The following ITPR2 variants were observed in gnomAD, a reference collection of about 807,000 sequenced individuals.
The protein encoded by ITPR2 is inositol 1,4,5-trisphosphate receptor type 2.
In ITPR2, 207 loss-of-function variants were observed where a neutral mutation model predicts 317.1. The ratio of observed to expected loss-of-function variants is 0.65; its 90% CI spans 0.58 to 0.73. The LOEUF is 0.73. Among genes scored for constraint, ITPR2 ranks in the 30% least tolerant of loss-of-function variants. The pLI is 0.00. For missense variants in ITPR2, 2,613 were observed against 3,284.0 expected (o/e 0.80, Z 4.99); for synonymous variants, 1,156 against 1,149.1 (o/e 1.01, Z -0.12).
intron 21 of ITPR2, among the ~76,000 whole-genome samples, chr12:26,646,842 A>G (rs1947124525): frequency 6.6e-6 from 1 of 152,150 alleles, no homozygotes; most frequent in Non-Finnish European, 1.5e-5. Flanking sequence ...CATATATACC[A>G]ACAAAAAGGA....
intron 55 of ITPR2, among the ~76,000 whole-genome samples, chr12:26,370,665 G>A (rs1315618405): frequency 6.6e-6 from 1 of 152,100 alleles, no homozygotes; most frequent in Non-Finnish European, 1.5e-5. Context: ...TTTTGTTGTT[G>A]TTGTTGTTTG....
intron 21 of ITPR2, among the ~76,000 whole-genome samples, chr12:26,640,073 C>G (rs764776757): frequency 6.6e-6 from 1 of 152,084 alleles, no homozygotes; most frequent in Admixed American, 6.6e-5. Context: ...TCATAGGTCA[C>G]CAGAGATTGT....
intron 55 of ITPR2, among the ~76,000 whole-genome samples, chr12:26,376,288 C>T (rs1026637384): frequency 6.6e-6 from 1 of 152,192 alleles, no homozygotes; most frequent in Non-Finnish European, 1.5e-5. Flanking sequence ...CACATATGCA[C>T]TTAGGCACTA....
intron 21 of ITPR2, among the ~76,000 whole-genome samples, chr12:26,643,659 C>T (rs545375054): frequency 6.6e-6 from 1 of 152,272 alleles, no homozygotes; most frequent in African/African-American, 2.4e-5. Context: ...GAAGAGCCAT[C>T]ATTGTATAAA....
At chr12:26,611,543 A>T (rs548063296) in intron 26 of ITPR2, among the ~76,000 whole-genome samples, 1 of 152,312 alleles carries the variant, frequency 6.6e-6, no homozygotes, top group East Asian at 1.9e-4. Flanking sequence ...CAGCTGGGTG[A>T]CAGAGCGAGA....
At chr12:26,622,757 C>T (rs1467368198) in intron 24 of ITPR2, among the ~76,000 whole-genome samples, 2 of 152,268 alleles carry the variant, frequency 1.3e-5, no homozygotes, top group Middle Eastern at 3.4e-3. Flanking sequence ...GGATGTACAC[C>T]GATGACTGAT....
chr12:26,474,651 G>C (rs12301898), intron 45 of ITPR2, among the ~76,000 whole-genome samples: 1 of 151,274 alleles, frequency 6.6e-6, no homozygotes, highest in Admixed American at 6.6e-5. Context: ...AAAATTAGCC[G>C]GGCGTAGTGG....
chr12:26,552,080 C>T lies in ITPR2; in HGVS notation c.4965-1725G>A, dbSNP rs1944538426. Among the ~76,000 whole-genome samples, 3 of 152,064 alleles carry T rather than the reference C, an allele frequency of 2.0e-5. No homozygotes were observed. In the South Asian group the frequency reaches 6.2e-4, roughly 32 times the overall value. On this transcript the variant is annotated intron_variant, in intron 36 of 56. Coordinates refer to ENST00000381340, the MANE Select transcript of ITPR2 (RefSeq NM_002223.4). ...AGGACGTACGAAGCAACAGAGAAGA[C>T]CCACAGCAGAGACTTGTAAATGATG...
chr12:26,526,951 A>G (rs1266301415), intron 37 of ITPR2, among the ~76,000 whole-genome samples: 1 of 152,210 alleles, frequency 6.6e-6, no homozygotes, highest in African/African-American at 2.4e-5. Flanking sequence ...AGGGAACCAA[A>G]CACTCAGTCC....
intron 23 of ITPR2, 83 bp downstream of exon 23, chr12:26,627,950 A>G: frequency 8.0e-7 from 1 of 1,250,336 alleles, no homozygotes; most frequent in Non-Finnish European, 1.1e-6. Context: ...CAAAAAATAT[A>G]ATTATGTTTT....
intron 37 of ITPR2, among the ~76,000 whole-genome samples, chr12:26,518,155 GGCA>G (rs1439302366): frequency 6.6e-6 from 1 of 152,126 alleles, no homozygotes; most frequent in East Asian, 1.9e-4. Flanking sequence ...AAGAAAATGT[GGCA>G]CACACATACC....
At chr12:26,497,024 C>A (rs1386338652) in intron 37 of ITPR2, among the ~76,000 whole-genome samples, 1 of 151,784 alleles carries the variant, frequency 6.6e-6, no homozygotes, top group South Asian at 2.1e-4. Context: ...CCGCCCCCAC[C>A]CCAACTTGAT....
chr12:26,676,617 G>A (rs1040639673), intron 13 of ITPR2, among the ~76,000 whole-genome samples: 2 of 151,850 alleles, frequency 1.3e-5, no homozygotes, highest in Admixed American at 1.3e-4. Context: ...AAGAACAAGT[G>A]AGATACAAGT....
chr12:26,409,605 A>C (rs950823837), intron 52 of ITPR2, among the ~76,000 whole-genome samples: 13 of 151,122 alleles, frequency 8.6e-5, no homozygotes, highest in African/African-American at 3.2e-4. Flanking sequence ...TTTTCTTGAA[A>C]AAAAAAATTT....
intron 9 of ITPR2, among the ~76,000 whole-genome samples, chr12:26,696,429 C>G (rs1380912553): frequency 6.6e-6 from 1 of 152,036 alleles, no homozygotes; most frequent in Non-Finnish European, 1.5e-5. Context: ...AATGCACAAT[C>G]CCAGTAAAGT....
intron 55 of ITPR2, among the ~76,000 whole-genome samples, chr12:26,383,418 G>A (rs184979549): frequency 1.3e-5 from 2 of 152,134 alleles, no homozygotes; most frequent in Admixed American, 6.5e-5. Context: ...CATTGGAGGT[G>A]AAAAAATATA....
intron 2 of ITPR2, among the ~76,000 whole-genome samples, chr12:26,728,371 T>C (rs1373320540): frequency 1.3e-5 from 2 of 152,210 alleles, no homozygotes; most frequent in African/African-American, 4.8e-5. Context: ...CCACTCTATC[T>C]GAAGTACAAA....
At chr12:26,414,017 T>C (rs911606674) in intron 51 of ITPR2, among the ~76,000 whole-genome samples, 6 of 146,198 alleles carry the variant, frequency 4.1e-5, no homozygotes, top group Non-Finnish European at 9.0e-5. Flanking sequence ...AATGTGGAGG[T>C]TTTGGGAAGC....
At chr12:26,354,026 C>A (rs1230920741) in intron 55 of ITPR2, among the ~76,000 whole-genome samples, 3 of 152,158 alleles carry the variant, frequency 2.0e-5, no homozygotes, top group African/African-American at 7.2e-5. Flanking sequence ...GTAATCCTAG[C>A]ACTTTGGGAG....
Sources: allele counts gnomAD v4.1 joint callset (sites outside exome capture counted in the v4.1 genomes callset), GRCh38; gene constraint gnomAD v4.1.1; transcripts MANE v1.5; gene names NCBI Gene and HGNC (gene_info 2026-07-23, HGNC 2026-07-21).